Variants in AP4S1 observed in about 807,000 individuals in gnomAD.
AP4S1 encodes adaptor related protein complex 4 subunit sigma 1, also known as AP-4 complex subunit sigma-1.
A neutral mutation model predicts 19.8 loss-of-function variants in AP4S1; 23 were observed. The observed-to-expected ratio is 1.16, with a 90% CI of 0.84 to 1.65. The LOEUF is 1.65. AP4S1 is among the 40% of genes most tolerant of loss of function. AP4S1 has a pLI of 0.00. For synonymous variants in AP4S1, 46 were observed against 54.1 expected (o/e 0.85, Z 0.66); for missense variants, 166 against 172.8 (o/e 0.96, Z 0.22).
intron 1 of AP4S1, among the ~76,000 whole-genome samples, chr14:31,032,152 C>G (rs534574653): frequency 6.6e-6 from 1 of 151,714 alleles, no homozygotes; most frequent in Non-Finnish European, 1.5e-5. Context: ...GAGGCCAAAG[C>G]GGGCAGATCA....
At chr14:31,028,596 T>TACACACACAC (rs112174443) in intron 1 of AP4S1, among the ~76,000 whole-genome samples, 17 of 149,026 alleles carry the variant, frequency 1.1e-4, no homozygotes, top group African/African-American at 2.7e-4. Context: ...TACACACACA[T>TACACACACAC]ACACACACAC....
chr14:31,029,866 A>G (rs1382594795), intron 1 of AP4S1, among the ~76,000 whole-genome samples: 1 of 151,996 alleles, frequency 6.6e-6, no homozygotes, highest in East Asian at 1.9e-4. Flanking sequence ...AAAAAAGAAA[A>G]TACTCAGCTC....
At position 31,036,161 on chromosome 14, in the gene AP4S1, A is replaced by G. The variant is rs1004061264; in HGVS notation, c.-72+10374A>G. ...AAAAAATAATCTAATATATTGTTGC[A>G]TCACGAATTAGTAACAAAAAAGAAA... On this transcript the variant is annotated intron_variant, in intron 1 of 5. Coordinates refer to ENST00000542754, the MANE Select transcript of AP4S1 (RefSeq NM_001128126.3). Among the ~76,000 whole-genome samples the G allele has an allele frequency of 5.3e-5, 8 of 151,098 alleles. 1 individual carries two copies. The Middle Eastern group carries it at 0.01, about 193-fold the overall frequency.
At chr14:31,028,425 C>T (rs1048621736) in intron 1 of AP4S1, among the ~76,000 whole-genome samples, 2 of 152,060 alleles carry the variant, frequency 1.3e-5, no homozygotes, top group Non-Finnish European at 2.9e-5. Flanking sequence ...GGTCCACCCA[C>T]CTTGGCTTCA....
chr14:31,028,522 A>G (rs1477061753), intron 1 of AP4S1, among the ~76,000 whole-genome samples: 4 of 152,018 alleles, frequency 2.6e-5, no homozygotes, highest in Admixed American at 6.6e-5. Context: ...TATTCATCCA[A>G]TTCCTTTTTA....
intron 1 of AP4S1, among the ~76,000 whole-genome samples, chr14:31,045,964 AT>A (rs34459906): frequency 0.51 from 66,811 of 130,462 alleles, 16,357 homozygotes; most frequent in Admixed American, 0.61. Context: ...AAGGAGCTAG[AT>A]TTTTTTTTTT....
intron 5 of AP4S1, among the ~76,000 whole-genome samples, chr14:31,082,777 T>TC (rs1887707845): frequency 6.6e-6 from 1 of 151,940 alleles, no homozygotes; most frequent in Non-Finnish European, 1.5e-5. Flanking sequence ...GCGCCTGTAG[T>TC]CCCAGCTACT....
rs181100265 is a variant in AP4S1 at position 31,073,218 on chromosome 14, C to T, written c.294+245C>T. 115 of 414,714 alleles carry T rather than the reference C, an allele frequency of 2.8e-4. No homozygotes were observed. The East Asian group carries it at 3.6e-3, about 13-fold the overall frequency. 25.7% of individuals were successfully genotyped at this position (414,714 alleles called of 1,614,324 possible). ...AAAAAAAACCTCTTATAGCAGGGCG[C>T]GATGGCTCACGCCTGTAATCCCAGC... On this transcript the variant is annotated intron_variant, in intron 4 of 5. Transcript: ENST00000542754.
intron 1 of AP4S1, among the ~76,000 whole-genome samples, chr14:31,053,582 C>CTT (rs1885929237): frequency 9.5e-6 from 1 of 104,998 alleles, no homozygotes; most frequent in Non-Finnish European, 1.9e-5. Flanking sequence ...TTTTTAGTGA[C>CTT]TTTTTTCTTT....
At chr14:31,067,868 A>G (rs140774397) in intron 2 of AP4S1, among the ~76,000 whole-genome samples, 1 of 149,538 alleles carries the variant, frequency 6.7e-6, no homozygotes, top group Non-Finnish European at 1.5e-5. Context: ...TCATACCTTG[A>G]ACACAATATT....
chr14:31,085,450 G>A (rs889497538), intron 5 of AP4S1: 4 of 986,088 alleles, frequency 4.1e-6, no homozygotes, highest in Non-Finnish European at 4.8e-6. Context: ...CACAAATATA[G>A]GCTAGAATCC....
intron 5 of AP4S1, chr14:31,083,764 C>T (rs1168123195): frequency 3.0e-6 from 1 of 336,036 alleles, no homozygotes; most frequent in Non-Finnish European, 5.9e-6. Flanking sequence ...CCTGCCTTGG[C>T]CTCCCAAAGT....
intron 1 of AP4S1, among the ~76,000 whole-genome samples, chr14:31,063,360 G>A (rs533194410): frequency 1.5e-3 from 232 of 152,236 alleles, no homozygotes; most frequent in Middle Eastern, 3.4e-3. Context: ...AACCCAGGAG[G>A]CAGAGGTTGC....
rs1888123590 is a variant in AP4S1, at chr14:31,093,248, G to T, written c.*213G>T. The T allele has an allele frequency of 2.5e-6, 1 of 403,884 alleles. No homozygotes were observed. Among genetic ancestry groups the T allele is most frequent in the Non-Finnish European group, 4.3e-6 (1 of 233,658 alleles). 25.0% of individuals were successfully genotyped at this position (403,884 alleles called of 1,614,324 possible). On this transcript the variant is annotated 3_prime_UTR_variant, in exon 6 of 6. Transcript: ENST00000542754. ...ACAAAGAAAAAAATTTCTTTAAACT[G>T]AGAGAGAAGTTTTATTTTCTAATTG... is the stretch of plus-strand genomic sequence containing the variant.
At chr14:31,028,655 A>G (rs1025384133) in intron 1 of AP4S1, among the ~76,000 whole-genome samples, 3 of 151,986 alleles carry the variant, frequency 2.0e-5, no homozygotes, top group Non-Finnish European at 4.4e-5. Flanking sequence ...GCTCACACCT[A>G]TAATCCCAGC....
chr14:31,027,814 G>A (rs1308234927), intron 1 of AP4S1, among the ~76,000 whole-genome samples: 2 of 152,094 alleles, frequency 1.3e-5, no homozygotes, highest in Non-Finnish European at 2.9e-5. Context: ...TAGCTAAGAA[G>A]CATTTGTTTG....
chr14:31,082,750 G>T (rs1887703665), intron 5 of AP4S1, among the ~76,000 whole-genome samples: 1 of 152,128 alleles, frequency 6.6e-6, no homozygotes, highest in East Asian at 1.9e-4. Context: ...CAAAAAATTA[G>T]CCGGGCGCGG....
chr14:31,072,939 T>C lies in AP4S1; in HGVS notation c.260T>C (p.Phe87Ser). The C allele has an allele frequency of 3.7e-6, 6 of 1,614,024 alleles. No individual in the cohort carries two copies. Among genetic ancestry groups the C allele is most frequent in the Non-Finnish European group, 5.1e-6 (6 of 1,179,896 alleles). Residue 87 changes from phenylalanine (F) to serine (S), a missense_variant, in exon 4 of 6, where the codon TTT (phenylalanine) becomes TCT (serine). Physicochemically the swap from Phe to Ser is radical, Grantham distance 155. Coordinates refer to ENST00000542754, the MANE Select transcript of AP4S1 (RefSeq NM_001128126.3). The part of the protein sequence containing the change: ...EMAIYEFIHN[F>S]VEVLDEYFSR... ...GCTATTTATGAATTCATTCATAACT[T>C]TGTGGAAGTTTTAGATGAGTATTTC... is the stretch of plus-strand genomic sequence containing the variant.
At chr14:31,026,633 C>G (rs3742920) in intron 1 of AP4S1, 1 of 156,992 alleles carries the variant, frequency 6.4e-6, no homozygotes, top group Non-Finnish European at 1.4e-5. Context: ...CAGACCCGAT[C>G]CGGTGTCTGG....
Sources: allele counts gnomAD v4.1 joint callset (sites outside exome capture counted in the v4.1 genomes callset), GRCh38; gene constraint gnomAD v4.1.1; transcripts MANE v1.5; gene names NCBI Gene and HGNC (gene_info 2026-07-23, HGNC 2026-07-21).